MDFIC2: variants seen among roughly 807,000 people sequenced by gnomAD.
MDFIC2 encodes the protein myoD family inhibitor domain-containing protein 2.
At chr3:70,234,879 GTCAC>G (rs1166501302) in intron 2 of MDFIC2, among the ~76,000 whole-genome samples, 1 of 152,112 alleles carries the variant, frequency 6.6e-6, no homozygotes, top group Non-Finnish European at 1.5e-5. Flanking sequence ...AATCTTGCCT[GTCAC>G]TTTTTAAACG....
At position 70,303,172 on chromosome 3, in the gene MDFIC2, G is replaced by T. The variant is rs1486981859; in HGVS notation, c.88+8714C>A. On this transcript the variant is annotated intron_variant, in intron 2 of 3. Coordinates refer to ENST00000567252, the MANE Select transcript of MDFIC2 (RefSeq NM_001364677.1). Reference sequence around the variant, plus strand: ...CTTGTGGAGAAGAGCATGGGTCATTGCTACTGGCTCTTAGAGTAGACATTA... The same window carrying T: ...CTTGTGGAGAAGAGCATGGGTCATTTCTACTGGCTCTTAGAGTAGACATTA... Among the ~76,000 whole-genome samples the T allele has an allele frequency of 2.0e-5, 3 of 152,098 alleles. No individual in the cohort carries two copies. In the South Asian group the frequency reaches 6.2e-4, roughly 32 times the overall value.
At chr3:70,295,744 G>A (rs537662640) in intron 2 of MDFIC2, among the ~76,000 whole-genome samples, 5 of 152,234 alleles carry the variant, frequency 3.3e-5, no homozygotes, top group African/African-American at 9.6e-5. Context: ...ATATTTTAAA[G>A]TGCTGTATCT....
intron 2 of MDFIC2, among the ~76,000 whole-genome samples, chr3:70,274,078 TGTGTGTGTGTGTGC>T (rs1435242465): frequency 1.1e-4 from 17 of 149,102 alleles, no homozygotes; most frequent in East Asian, 2.0e-4. Flanking sequence ...TGTGTGTGTG[TGTGTGTGTGTGTGC>T]GCGCGCGCAT....
At chr3:70,214,689 A>G (rs549449617) in intron 2 of MDFIC2, among the ~76,000 whole-genome samples, 1 of 151,648 alleles carries the variant, frequency 6.6e-6, no homozygotes, top group East Asian at 2.0e-4. Context: ...GTAGACAGAC[A>G]TAGGCTAAGT....
rs1296823009 is a variant in MDFIC2, at chr3:70,196,446, AATG to A, written c.*477_*479del. 2.6e-5 allele frequency among the ~76,000 whole-genome samples: 4 copies of A among 152,194 alleles called. No homozygotes were observed. Among genetic ancestry groups the A allele is most frequent in the Non-Finnish European group, 4.4e-5 (3 of 68,022 alleles). ...TGTATAAATAAATTTTTAATTACAA[AATG>A]ATGTTATACAATACATTATTAATAA... On this transcript the variant is annotated 3_prime_UTR_variant, in exon 4 of 4. Transcript: ENST00000567252.
At chr3:70,267,737 C>T (rs561396430) in intron 2 of MDFIC2, among the ~76,000 whole-genome samples, 2 of 152,084 alleles carry the variant, frequency 1.3e-5, no homozygotes, top group Admixed American at 6.5e-5. Context: ...TTTTTAATGG[C>T]AGCTTCACAG....
At chr3:70,199,153 A>C (rs914043168) in intron 3 of MDFIC2, among the ~76,000 whole-genome samples, 2 of 152,136 alleles carry the variant, frequency 1.3e-5, no homozygotes, top group Admixed American at 1.3e-4. Context: ...TATACATGCA[A>C]GGTTAAAAGT....
chr3:70,221,684 A>G lies in MDFIC2; in HGVS notation c.89-14894T>C, dbSNP rs145543529. 6.4e-3 allele frequency among the ~76,000 whole-genome samples: 978 copies of G among 152,302 alleles called. 6 individuals are homozygous for G. The highest frequency in any genetic ancestry group is 0.022 in the African/African-American group (931 of 41,554). On this transcript the variant is annotated intron_variant, in intron 2 of 3. Coordinates refer to ENST00000567252, the MANE Select transcript of MDFIC2 (RefSeq NM_001364677.1). ...GACAAGTGACTGGTCAATGATGCCAAGGTTCAAATGGAAGGGGAAAAAGGA... is the reference window on the plus strand; with the variant it reads ...GACAAGTGACTGGTCAATGATGCCAGGGTTCAAATGGAAGGGGAAAAAGGA...
chr3:70,290,394 A>C (rs1702223280), intron 2 of MDFIC2, among the ~76,000 whole-genome samples: 1 of 152,320 alleles, frequency 6.6e-6, no homozygotes, highest in South Asian at 2.1e-4. Flanking sequence ...TCAGGGACCC[A>C]CTTGAGGAGG....
chr3:70,270,489 T>C (rs1277565463), intron 2 of MDFIC2, among the ~76,000 whole-genome samples: 1 of 152,196 alleles, frequency 6.6e-6, no homozygotes, highest in Non-Finnish European at 1.5e-5. Flanking sequence ...CTCATTATTG[T>C]CAGTACTGGG....
At chr3:70,283,057 A>G (rs1202540778) in intron 2 of MDFIC2, among the ~76,000 whole-genome samples, 2 of 152,194 alleles carry the variant, frequency 1.3e-5, no homozygotes, top group Admixed American at 6.6e-5. Flanking sequence ...CTAGTGACTC[A>G]GGAACCTCAG....
chr3:70,256,215 G>A (rs971078075), intron 2 of MDFIC2, among the ~76,000 whole-genome samples: 2 of 152,168 alleles, frequency 1.3e-5, no homozygotes, highest in Non-Finnish European at 2.9e-5. Flanking sequence ...TAGTTGTAAA[G>A]TTTTTGTTTC....
chr3:70,204,964 T>C (rs541204806), intron 3 of MDFIC2: 4 of 152,210 alleles, frequency 2.6e-5, no homozygotes, highest in Admixed American at 2.0e-4. Flanking sequence ...GATGCTTTTG[T>C]AGAGGCCTCT....
At chr3:70,223,858 T>G (rs548364913) in intron 2 of MDFIC2, among the ~76,000 whole-genome samples, 4 of 152,120 alleles carry the variant, frequency 2.6e-5, no homozygotes, top group Non-Finnish European at 5.9e-5. Flanking sequence ...AGACTTAATC[T>G]TTTTTCTCCC....
chr3:70,213,457 A>G (rs1701369988), intron 2 of MDFIC2, among the ~76,000 whole-genome samples: 1 of 152,112 alleles, frequency 6.6e-6, no homozygotes, highest in South Asian at 2.1e-4. Context: ...TTTAAGCTAT[A>G]ATGGTGAATT....
rs543939960 is a variant in MDFIC2 at position 70,194,920 on chromosome 3, A to T, written c.*2006T>A. ...GGTGCTCAGAGAGGAGCCAAGAGGG[A>T]TGGGACATAAGGAAGCACTAGGAGG... On this transcript the variant is annotated 3_prime_UTR_variant, in exon 4 of 4. Coordinates refer to ENST00000567252, the MANE Select transcript of MDFIC2 (RefSeq NM_001364677.1). 6.6e-6 allele frequency among the ~76,000 whole-genome samples: 1 copy of T among 152,250 alleles called. No individual in the cohort carries two copies. Among genetic ancestry groups the T allele is most frequent in the African/African-American group, 2.4e-5 (1 of 41,560 alleles).
chr3:70,270,495 C>G (rs1372253334), intron 2 of MDFIC2, among the ~76,000 whole-genome samples: 3 of 152,064 alleles, frequency 2.0e-5, no homozygotes, highest in Non-Finnish European at 2.9e-5. Flanking sequence ...ATTGTCAGTA[C>G]TGGGGTACTT....
chr3:70,287,658 G>A (rs1363840079), intron 2 of MDFIC2, among the ~76,000 whole-genome samples: 4 of 152,062 alleles, frequency 2.6e-5, no homozygotes, highest in Non-Finnish European at 5.9e-5. Context: ...TGTACCTCTG[G>A]TAGAATTTGG....
chr3:70,268,034 T>A (rs1023666027), intron 2 of MDFIC2, among the ~76,000 whole-genome samples: 1 of 148,272 alleles, frequency 6.7e-6, no homozygotes, highest in Non-Finnish European at 1.5e-5. Flanking sequence ...CTCTTTCTCC[T>A]CCTCCTCCTC....
Sources: gnomAD v4.1 joint callset for allele counts (sites outside exome capture counted in the v4.1 genomes callset) on GRCh38, gnomAD v4.1.1 for gene constraint, MANE v1.5 for transcripts, NCBI Gene and HGNC (gene_info 2026-07-23, HGNC 2026-07-21) for gene names.